Variants in SYT1 observed in about 807,000 individuals in gnomAD.
SYT1 encodes the protein synaptotagmin-1.
Under a neutral mutation model 44.8 loss-of-function variants are expected in SYT1, and 8 were observed. The ratio of observed to expected loss-of-function variants is 0.18; its 90% CI spans 0.10 to 0.32. The LOEUF (loss-of-function observed/expected upper bound fraction) is 0.32, where lower values mean the gene tolerates loss of function less well. SYT1 is among the 10% of genes least tolerant of loss of function. The probability of loss-of-function intolerance (pLI) is 1.00; values close to 1 mark genes in which losing one functional copy is unlikely to be tolerated. For synonymous variants in SYT1, 154 were observed against 188.8 expected, an observed-to-expected ratio of 0.82 and a Z score of 1.51; for missense variants, 286 against 509.3, an observed-to-expected ratio of 0.56 and a Z score of 4.22.
chr12:79,392,999 C>G (rs943177170), intron 9 of SYT1: 2 of 140,324 alleles, frequency 1.4e-5, no homozygotes, highest in South Asian at 5.0e-4. Flanking sequence ...GTTCCCCTGT[C>G]TGTGTCCATG....
intron 3 of SYT1, among the ~76,000 whole-genome samples, chr12:79,075,565 T>C (rs1437425416): frequency 1.3e-5 from 2 of 152,216 alleles, no homozygotes; most frequent in African/African-American, 4.8e-5. Flanking sequence ...ATTTATATTC[T>C]AGATCTAACA....
intron 3 of SYT1, among the ~76,000 whole-genome samples, chr12:79,164,016 A>G (rs1046315454): frequency 3.3e-5 from 5 of 152,046 alleles, no homozygotes; most frequent in African/African-American, 1.2e-4. Flanking sequence ...TTTTTCCACC[A>G]TGACACAGAT....
Position 79,340,600 on chromosome 12 carries a change from A to G in SYT1, c.811-12902A>G, listed in dbSNP as rs187183421. Among the ~76,000 whole-genome samples the G allele has an allele frequency of 4.9e-4, 74 of 152,348 alleles. 1 individual carries two copies. Among genetic ancestry groups the G allele is most frequent in the Admixed American group, 9.8e-4 (15 of 15,302 alleles). On this transcript the variant is annotated intron_variant, in intron 8 of 10. Transcript: ENST00000261205. ...AATGGGGTTTTCTAAATATACAATC[A>G]TGTCATCTGCAAACAGGGACAATTT...
In SYT1 at chr12:79,224,748, TTTTTTATTATTATTATTATTATTA is replaced by T. The variant is rs1565863415; in HGVS notation, c.166+7066_166+7089del. Among the ~76,000 whole-genome samples, 69 of 20,826 alleles carry T rather than the reference TTTTTTATTATTATTATTATTATTA, an allele frequency of 3.3e-3. 1 individual carries two copies. The highest frequency in any genetic ancestry group is 9.7e-3 in the African/African-American group (69 of 7,092). The allele number at this position is 20,826 out of a possible 152,430, so 13.7% of individuals were successfully genotyped here. On this transcript the variant is annotated intron_variant, in intron 4 of 10. Coordinates refer to ENST00000261205, the MANE Select transcript of SYT1 (RefSeq NM_005639.3). ...TTTTGTTTCATTTTTTATTTATTTA[TTTTTTATTATTATTATTATTATTA>T]TTATTATTATTATTATTATTATTAG... is the stretch of plus-strand genomic sequence containing the variant.
At chr12:79,253,502 TC>T (rs1877344963) in intron 4 of SYT1, among the ~76,000 whole-genome samples, 3 of 151,404 alleles carry the variant, frequency 2.0e-5, no homozygotes, top group African/African-American at 7.3e-5. Flanking sequence ...TCTCTCTCTC[TC>T]TCTCTCTCTC....
At chr12:78,991,477 G>T (rs1200689832) in intron 2 of SYT1, among the ~76,000 whole-genome samples, 1 of 152,042 alleles carries the variant, frequency 6.6e-6, no homozygotes, top group Admixed American at 6.6e-5. Context: ...TTTTAAAATT[G>T]TAGACCTCTA....
chr12:79,231,578 C>G (rs1875870509), intron 4 of SYT1, among the ~76,000 whole-genome samples: 1 of 151,936 alleles, frequency 6.6e-6, no homozygotes, highest in South Asian at 2.1e-4. Flanking sequence ...TAGTTTATAT[C>G]TGTCCATAAA....
At chr12:79,238,383 G>C (rs1876312323) in intron 4 of SYT1, among the ~76,000 whole-genome samples, 2 of 152,150 alleles carry the variant, frequency 1.3e-5, no homozygotes, top group South Asian at 4.1e-4. Flanking sequence ...ATATATCACA[G>C]AAGATTATGC....
intron 3 of SYT1, among the ~76,000 whole-genome samples, chr12:79,124,697 G>T (rs554996843): frequency 1.3e-5 from 2 of 152,196 alleles, no homozygotes; most frequent in African/African-American, 2.4e-5. Flanking sequence ...GGTAGGAAAT[G>T]AGTAGAAAAT....
intron 2 of SYT1, among the ~76,000 whole-genome samples, chr12:78,981,273 G>A (rs566071409): frequency 7.2e-5 from 11 of 151,824 alleles, no homozygotes; most frequent in South Asian, 2.1e-4. Flanking sequence ...GATTACAGGC[G>A]TGAGCCACCA....
intron 8 of SYT1, chr12:79,341,110 A>G (rs1882352025): frequency 6.6e-6 from 1 of 152,194 alleles, no homozygotes; most frequent in African/African-American, 2.4e-5. Flanking sequence ...TGAAAACCCA[A>G]CATAAGGGTT....
rs1432249334 is a variant in SYT1, at chr12:79,019,679, C to T, written c.-83-27618C>T. ...CTGGGAGGAGTTAGAAGTGAAGAAA[C>T]GACCTACAGCATTTATTTATTTATT... is the stretch of plus-strand genomic sequence containing the variant. On this transcript the variant is annotated intron_variant, in intron 2 of 10. Coordinates refer to ENST00000261205, the MANE Select transcript of SYT1 (RefSeq NM_005639.3). Among the ~76,000 whole-genome samples, 7 of 151,858 alleles carry T rather than the reference C, an allele frequency of 4.6e-5. No individual in the cohort carries two copies. The South Asian group carries it at 1.2e-3, about 27-fold the overall frequency.
chr12:79,027,231 T>C (rs1213047011), intron 2 of SYT1, among the ~76,000 whole-genome samples: 1 of 151,522 alleles, frequency 6.6e-6, no homozygotes, highest in Non-Finnish European at 1.5e-5. Flanking sequence ...TGAAATATCT[T>C]TCCAGAGACC....
intron 1 of SYT1, among the ~76,000 whole-genome samples, chr12:78,944,333 T>A (rs1422104115): frequency 6.6e-6 from 1 of 151,756 alleles, no homozygotes; most frequent in African/African-American, 2.4e-5. Context: ...TTCCTGGAGA[T>A]AAAGGCTTAG....
intron 2 of SYT1, among the ~76,000 whole-genome samples, chr12:79,027,474 C>T (rs1872604193): frequency 6.6e-6 from 1 of 151,096 alleles, no homozygotes; most frequent in Non-Finnish European, 1.5e-5. Context: ...ATATATAAGG[C>T]ATATAAATAT....
chr12:79,422,475 T>A (rs537933172), intron 9 of SYT1, among the ~76,000 whole-genome samples: 2 of 151,600 alleles, frequency 1.3e-5, no homozygotes, highest in African/African-American at 4.8e-5. Context: ...CTATCTAGTA[T>A]AGGTGACTTA....
intron 1 of SYT1, among the ~76,000 whole-genome samples, chr12:78,895,703 C>G (rs10861122): frequency 0.38 from 57,437 of 151,476 alleles, 12,931 homozygotes; most frequent in Non-Finnish European, 0.49. Flanking sequence ...AGAGCTAATT[C>G]TATACTATTA....
intron 2 of SYT1, among the ~76,000 whole-genome samples, chr12:78,983,108 A>T (rs1357363366): frequency 6.6e-6 from 1 of 151,554 alleles, no homozygotes; most frequent in African/African-American, 2.4e-5. Context: ...TTCAGTCAGT[A>T]ATCCTACTCT....
intron 4 of SYT1, among the ~76,000 whole-genome samples, chr12:79,233,926 C>T (rs1025924817): frequency 6.6e-6 from 1 of 152,116 alleles, no homozygotes; most frequent in African/African-American, 2.4e-5. Context: ...AGATTGATGC[C>T]GCCTTGCCTC....
Sources: gnomAD v4.1 joint callset for allele counts (sites outside exome capture counted in the v4.1 genomes callset) on GRCh38, gnomAD v4.1.1 for gene constraint, MANE v1.5 for transcripts, NCBI Gene and HGNC (gene_info 2026-07-23, HGNC 2026-07-21) for gene names.